The following CSE1L variants were observed in gnomAD, a reference collection of about 807,000 sequenced individuals.
CSE1L encodes the protein chromosome segregation 1 like, also known as exportin-2.
In CSE1L, 24 loss-of-function variants were observed where a neutral mutation model predicts 120.4. The observed-to-expected ratio is 0.20, with a 90% CI of 0.14 to 0.28. The LOEUF (loss-of-function observed/expected upper bound fraction) is 0.28, where lower values mean the gene tolerates loss of function less well. CSE1L is among the 10% of genes least tolerant of loss of function. CSE1L has a pLI of 1.00. For missense variants in CSE1L, 830 were observed against 1,145.2 expected (o/e 0.72, Z 3.97); for synonymous variants, 402 against 398.3 (o/e 1.01, Z -0.11).
chr20:49,089,507 C>T (rs917896645), intron 18 of CSE1L, 31 bp from the exon 19 acceptor site: 10 of 1,610,298 alleles, frequency 6.2e-6, no homozygotes, highest in Non-Finnish European at 8.5e-6. Flanking sequence ...CCTTCTGAAG[C>T]TCACAGCTCT....
rs1306859985 is a variant in CSE1L at position 49,085,391 on chromosome 20, GCTGTTT to G, written c.1723+7_1723+12del. Reference sequence around the variant, plus strand: ...AAAATGAATATATTATGAAAGGTAGGCTGTTTCCCTGGTGTGCAGACTACAGGTATC... The same window carrying G: ...AAAATGAATATATTATGAAAGGTAGGCCCTGGTGTGCAGACTACAGGTATC... On this transcript the variant is annotated splice_donor_region_variant and intron_variant, in intron 16 of 24. Transcript: ENST00000262982. 2 of 1,607,004 alleles carry G rather than the reference GCTGTTT, an allele frequency of 1.2e-6. No homozygotes were observed. The highest frequency in any genetic ancestry group is 3.3e-5 in the Admixed American group (2 of 59,922).
intron 10 of CSE1L, among the ~76,000 whole-genome samples, chr20:49,073,745 C>T (rs974987558): frequency 7.9e-5 from 12 of 152,116 alleles, no homozygotes; most frequent in Non-Finnish European, 1.6e-4. Context: ...CTCAGCCTCT[C>T]AAAGTGCTGG....
chr20:49,048,915 A>G (rs1456128976), intron 1 of CSE1L, among the ~76,000 whole-genome samples: 1 of 152,214 alleles, frequency 6.6e-6, no homozygotes, highest in African/African-American at 2.4e-5. Context: ...GACATATCTA[A>G]GAAAAAGGCA....
Position 49,058,545 on chromosome 20 carries a change from C to T in CSE1L, c.82C>T (p.Pro28Ser). The T allele has an allele frequency of 6.2e-7, 1 of 1,612,752 alleles. No individual in the cohort carries two copies. The highest frequency in any genetic ancestry group is 2.2e-5 in the East Asian group (1 of 44,850). The part of the protein sequence containing the change: ...TLDPDPAIRR[P>S]AEKFLESVEG... Reference sequence around the variant, plus strand: ...TGATCCTGATCCTGCCATCCGACGTCCAGGTAAAGAAAATAAACGTTTTTT... The same window carrying T: ...TGATCCTGATCCTGCCATCCGACGTTCAGGTAAAGAAAATAAACGTTTTTT... Residue 28 changes from proline to serine, a missense_variant, in exon 2 of 25, where the codon CCA becomes TCA. This residue lies in a region of CSE1L where 543 missense variants were observed against 640.2 expected (regional missense o/e 0.85). Coordinates refer to ENST00000262982, the MANE Select transcript of CSE1L (RefSeq NM_001316.4).
rs565238922 is a variant in CSE1L, at chr20:49,088,293, T to G, written c.1821+187T>G. On this transcript the variant is annotated intron_variant, in intron 17 of 24. Transcript: ENST00000262982. ...TTGGAGACGTAATAGCAGTCACCTT[T>G]AAGTGTGTGCTAGAAGCTTGAATAC... Among the ~76,000 whole-genome samples, 5 of 152,312 alleles carry G rather than the reference T, an allele frequency of 3.3e-5. No individual in the cohort carries two copies. The East Asian group carries it at 9.6e-4, about 29-fold the overall frequency.
At chr20:49,072,751 T>C in intron 10 of CSE1L, 54 bp downstream of exon 10, 1 of 1,485,988 alleles carries the variant, frequency 6.7e-7, no homozygotes, top group Non-Finnish European at 9.1e-7. Flanking sequence ...TGTTTGTTTT[T>C]TGTAACATAT....
intron 1 of CSE1L, among the ~76,000 whole-genome samples, chr20:49,056,961 A>C (rs1341542124): frequency 6.6e-6 from 1 of 152,098 alleles, no homozygotes; most frequent in Non-Finnish European, 1.5e-5. Flanking sequence ...GTTGTACAAT[A>C]AATCTCTTGA....
chr20:49,047,535 GTTTTCT>G (rs1204304857), intron 1 of CSE1L, among the ~76,000 whole-genome samples: 19 of 77,036 alleles, frequency 2.5e-4, no homozygotes, highest in South Asian at 1.3e-3. Context: ...CTCTTCTTTT[GTTTTCT>G]TTTTCTTTTT....
At chr20:49,061,106 A>G (rs952113657) in intron 2 of CSE1L, among the ~76,000 whole-genome samples, 1 of 152,094 alleles carries the variant, frequency 6.6e-6, no homozygotes, top group African/African-American at 2.4e-5. Context: ...AGGGAAGTTA[A>G]TGGCTCTAAT....
intron 12 of CSE1L, among the ~76,000 whole-genome samples, chr20:49,076,764 C>A (rs2091971711): frequency 6.6e-6 from 1 of 151,998 alleles, no homozygotes; most frequent in Admixed American, 6.6e-5. Flanking sequence ...CTCCTGACTT[C>A]AAGTGATCTA....
intron 2 of CSE1L, among the ~76,000 whole-genome samples, chr20:49,061,615 G>A (rs2091854118): frequency 6.6e-6 from 1 of 151,600 alleles, no homozygotes; most frequent in Non-Finnish European, 1.5e-5. Flanking sequence ...CCATTGTTGT[G>A]CCTCAGCCTC....
chr20:49,094,406 C>A, intron 23 of CSE1L, 120 bp downstream of exon 23: 2 of 934,096 alleles, frequency 2.1e-6, no homozygotes, highest in Non-Finnish European at 3.3e-6. Flanking sequence ...AGCTTCTCCA[C>A]AATCAGATCC....
chr20:49,093,889 C>T lies in CSE1L; in HGVS notation c.2448-251C>T, dbSNP rs565039779. ...CTGAGATCACACCGTTCCACTCCAG[C>T]CTGGGCAACAAGAGCGAAACTCCGT... On this transcript the variant is annotated intron_variant, in intron 22 of 24. Coordinates refer to ENST00000262982, the MANE Select transcript of CSE1L (RefSeq NM_001316.4). Among the ~76,000 whole-genome samples, 9 of 151,612 alleles carry T rather than the reference C, an allele frequency of 5.9e-5. No homozygotes were observed. In the South Asian group the frequency reaches 1.5e-3, roughly 25 times the overall value.
intron 3 of CSE1L, among the ~76,000 whole-genome samples, chr20:49,065,312 A>ATTTTTTTTTTTTTTTTTTTT (rs1568769017): frequency 1.8e-4 from 14 of 79,418 alleles, no homozygotes; most frequent in Non-Finnish European, 2.7e-4. Context: ...ATGAAAAAAA[A>ATTTTTTTTTTTTTTTTTTTT]ATTTTTTTTT....
chr20:49,075,558 C>A (rs2123717293), intron 12 of CSE1L, 38 bp downstream of exon 12: 3 of 1,510,768 alleles, frequency 2.0e-6, no homozygotes, highest in Non-Finnish European at 2.8e-6. Flanking sequence ...CTAAAACAGA[C>A]ATCAGTGACA....
chr20:49,053,589 G>A (rs1207959864), intron 1 of CSE1L, among the ~76,000 whole-genome samples: 1 of 151,866 alleles, frequency 6.6e-6, no homozygotes, highest in East Asian at 1.9e-4. Flanking sequence ...GACCTCAGGT[G>A]ATCTGCCCCT....
At position 49,058,542 on chromosome 20, in the gene CSE1L, C is replaced by T. The variant is rs769155749; in HGVS notation, c.79C>T (p.Arg27Cys). The T allele has an allele frequency of 2.5e-6, 4 of 1,612,858 alleles. No homozygotes were observed. Among genetic ancestry groups the T allele is most frequent in the East Asian group, 2.2e-5 (1 of 44,852 alleles). The change falls in exon 2 of 25, where the codon CGT becomes TGT. Residue 27 changes from arginine to cysteine, a missense_variant. Arg to Cys is a radical substitution (Grantham distance 180). This residue lies in a region of CSE1L where 543 missense variants were observed against 640.2 expected (regional missense o/e 0.85). Transcript: ENST00000262982. ...ACTTGATCCTGATCCTGCCATCCGACGTCCAGGTAAAGAAAATAAACGTTT... is the reference window on the plus strand; with the variant it reads ...ACTTGATCCTGATCCTGCCATCCGATGTCCAGGTAAAGAAAATAAACGTTT... Reference protein sequence around the residue: ...KTLDPDPAIRRPAEKFLESVE... With the variant: ...KTLDPDPAIRCPAEKFLESVE...
intron 12 of CSE1L, among the ~76,000 whole-genome samples, chr20:49,075,892 C>T (rs1442957093): frequency 3.3e-5 from 5 of 152,152 alleles, no homozygotes; most frequent in East Asian, 1.9e-4. Context: ...AGTGCAATGG[C>T]GTGATCTCAG....
rs750485862 is a variant in CSE1L, at chr20:49,077,084, C to CT, written c.1420+27dup. On this transcript the variant is annotated intron_variant, in intron 13 of 24. Transcript: ENST00000262982. Reference sequence around the variant, plus strand: ...CTAATGGTGAGTTGTGAAATTCTTGCTTTTTTTACAGCTTGCCACACTATA... The same window carrying CT: ...CTAATGGTGAGTTGTGAAATTCTTGCTTTTTTTTACAGCTTGCCACACTATA... The CT allele has an allele frequency of 1.2e-5, 18 of 1,516,108 alleles. No individual in the cohort carries two copies. The highest frequency in any genetic ancestry group is 1.4e-5 in the African/African-American group (1 of 71,636). 93.9% of individuals were successfully genotyped at this position (1,516,108 alleles called of 1,614,324 possible). A position where few individuals can be genotyped will look rare whatever the true frequency, so the allele number is the denominator to read the frequency against.
Sources: allele counts gnomAD v4.1 joint callset (sites outside exome capture counted in the v4.1 genomes callset), GRCh38; gene constraint gnomAD v4.1.1; regional missense constraint gnomAD v4.1.1; transcripts MANE v1.5; gene names NCBI Gene and HGNC (gene_info 2026-07-23, HGNC 2026-07-21).